SSR3: variants seen among roughly 807,000 people sequenced by gnomAD.
The protein encoded by SSR3 is signal sequence receptor subunit 3, also known as translocon-associated protein subunit gamma.
A neutral mutation model predicts 22.1 loss-of-function variants in SSR3; 10 were observed. The ratio of observed to expected loss-of-function variants is 0.45; its 90% CI spans 0.28 to 0.77. The LOEUF is 0.77. Ranked by LOEUF, SSR3 falls within the 30% of genes least tolerant of loss-of-function variation. The probability of loss-of-function intolerance (pLI) is 0.13; values close to 1 mark genes in which losing one functional copy is unlikely to be tolerated. For synonymous variants in SSR3, 104 were observed against 82.5 expected, an observed-to-expected ratio of 1.26 and a Z score of -1.42; for missense variants, 181 against 220.5, an observed-to-expected ratio of 0.82 and a Z score of 1.13.
rs921150309 is a variant in SSR3 at position 156,539,637 on chromosome 3, C to A, written c.*3566G>T. ...GCCCTGAAAATTTAAACCAACCCCCCAAAAGACCCTCCTAATCTATTAATT... is the reference window on the plus strand; with the variant it reads ...GCCCTGAAAATTTAAACCAACCCCCAAAAAGACCCTCCTAATCTATTAATT... On this transcript the variant is annotated 3_prime_UTR_variant, in exon 5 of 5. Transcript: ENST00000265044. Among the ~76,000 whole-genome samples, 2 of 151,604 alleles carry A rather than the reference C, an allele frequency of 1.3e-5. No individual in the cohort carries two copies. Among genetic ancestry groups the A allele is most frequent in the African/African-American group, 4.9e-5 (2 of 40,908 alleles).
intron 2 of SSR3, 139 bp downstream of exon 2, chr3:156,553,516 G>GGAGAGA: frequency 1.2e-6 from 1 of 847,014 alleles, no homozygotes; most frequent in East Asian, 3.0e-5. Flanking sequence ...TAGCATCAAT[G>GGAGAGA]TTCCTTTCCC....
chr3:156,543,907 ATT>A (rs1041724244), intron 4 of SSR3: 17 of 193,634 alleles, frequency 8.8e-5, no homozygotes, highest in African/African-American at 3.7e-4. Context: ...TTGAAACACT[ATT>A]AAGATACACT....
At chr3:156,552,799 G>A (rs1006373409) in intron 2 of SSR3, among the ~76,000 whole-genome samples, 3 of 152,120 alleles carry the variant, frequency 2.0e-5, no homozygotes, top group South Asian at 2.1e-4. Flanking sequence ...GGACCATGAC[G>A]CTGAGAAATA....
intron 3 of SSR3, 130 bp from the exon 4 acceptor site, chr3:156,544,569 A>G: frequency 1.5e-6 from 1 of 650,148 alleles, no homozygotes; most frequent in Non-Finnish European, 2.3e-6. Context: ...TGTGTTTGTA[A>G]TATTAGATTT....
chr3:156,551,986 T>G (rs192100470), intron 2 of SSR3, among the ~76,000 whole-genome samples: 3 of 152,020 alleles, frequency 2.0e-5, no homozygotes, highest in Admixed American at 2.0e-4. Flanking sequence ...CTAGAAGAAT[T>G]TGGCTTTAAT....
intron 2 of SSR3, among the ~76,000 whole-genome samples, chr3:156,549,340 C>T (rs199824432): frequency 6.6e-6 from 1 of 152,174 alleles, no homozygotes; most frequent in Non-Finnish European, 1.5e-5. Context: ...TTGTTTTAAC[C>T]TATCATCTAA....
At chr3:156,546,090 G>A (rs1719750237) in intron 3 of SSR3, among the ~76,000 whole-genome samples, 1 of 152,158 alleles carries the variant, frequency 6.6e-6, no homozygotes, top group Non-Finnish European at 1.5e-5. Context: ...TTGGCTCTGT[G>A]TCCCCACCCA....
rs3773719 is a variant in SSR3 at position 156,554,697 on chromosome 3, A to C, written c.133+260T>G. ...CGGGGCCGCCACCCCAGAACTAGTT[A>C]ACCACCTTCTCCTGGGGTGGAGCTC... On this transcript the variant is annotated intron_variant, in intron 1 of 4. Coordinates refer to ENST00000265044, the MANE Select transcript of SSR3 (RefSeq NM_007107.5). The C allele has an allele frequency of 0.24, 115,800 of 483,252 alleles. 15,938 individuals carry two copies. Among genetic ancestry groups the C allele is most frequent in the Middle Eastern group, 0.29 (517 of 1,806 alleles). The allele number at this position is 483,252 out of a possible 1,614,324, so 29.9% of individuals were successfully genotyped here.
intron 2 of SSR3, among the ~76,000 whole-genome samples, chr3:156,553,281 AT>A (rs1242090294): frequency 3.9e-5 from 6 of 152,180 alleles, no homozygotes; most frequent in Admixed American, 3.9e-4. Flanking sequence ...CAAAAAGATC[AT>A]TTCTTTAACT....
Position 156,542,642 on chromosome 3 carries a change from A to G in SSR3, c.*561T>C, listed in dbSNP as rs913296389. ...CCTTCTTTAAGAAAAAAAAAAGAAA[A>G]AAAAAGAACTTTTCCACAAGTTTCT... On this transcript the variant is annotated 3_prime_UTR_variant, in exon 5 of 5. Transcript: ENST00000265044. The G allele has an allele frequency of 6.6e-6, 1 of 151,204 alleles. No individual in the cohort carries two copies. Among genetic ancestry groups the G allele is most frequent in the African/African-American group, 2.5e-5 (1 of 40,812 alleles). 9.4% of individuals were successfully genotyped at this position (151,204 alleles called of 1,614,324 possible). A position where few individuals can be genotyped will look rare whatever the true frequency, so the allele number is the denominator to read the frequency against.
intron 3 of SSR3, among the ~76,000 whole-genome samples, chr3:156,546,168 G>A (rs965085345): frequency 1.2e-4 from 19 of 152,138 alleles, no homozygotes; most frequent in South Asian, 6.2e-4. Context: ...CTGGATCATG[G>A]GTGTGGTTTC....
At chr3:156,553,026 A>C (rs1302687314) in intron 2 of SSR3, among the ~76,000 whole-genome samples, 1 of 151,124 alleles carries the variant, frequency 6.6e-6, no homozygotes, top group Non-Finnish European at 1.5e-5. Flanking sequence ...TTAGCATTGA[A>C]AATGACAGAG....
chr3:156,549,413 A>G (rs944561434), intron 2 of SSR3, among the ~76,000 whole-genome samples: 1 of 152,258 alleles, frequency 6.6e-6, no homozygotes. Flanking sequence ...TTCCAAGTAC[A>G]TAACAGGAGC....
chr3:156,543,055 A>C lies in SSR3; in HGVS notation c.*148T>G. The C allele has an allele frequency of 1.9e-6, 1 of 527,924 alleles. No individual in the cohort carries two copies. Among genetic ancestry groups the C allele is most frequent in the Non-Finnish European group, 3.3e-6 (1 of 303,346 alleles). The allele number at this position is 527,924 out of a possible 1,614,324, so 32.7% of individuals were successfully genotyped here. On this transcript the variant is annotated 3_prime_UTR_variant, in exon 5 of 5. Transcript: ENST00000265044. ...ACAATCTGTCAAAAAACAGCCAATA[A>C]ACAAATACTGAATTACATTCTGCTG...
At chr3:156,545,704 C>T (rs1719735237) in intron 3 of SSR3, among the ~76,000 whole-genome samples, 1 of 151,848 alleles carries the variant, frequency 6.6e-6, no homozygotes, top group Non-Finnish European at 1.5e-5. Context: ...ATAACTCTTC[C>T]ATTTACTGTA....
chr3:156,553,138 G>T (rs1248674583), intron 2 of SSR3, among the ~76,000 whole-genome samples: 1 of 152,022 alleles, frequency 6.6e-6, no homozygotes, highest in African/African-American at 2.4e-5. Flanking sequence ...GCACCTGTAG[G>T]CCCAGCTACT....
chr3:156,543,545 C>CAGCT (rs1719645657), intron 4 of SSR3, among the ~76,000 whole-genome samples: 3 of 152,176 alleles, frequency 2.0e-5, no homozygotes, highest in South Asian at 4.1e-4. Flanking sequence ...TTCCATTTAA[C>CAGCT]CTTCACGAAG....
At chr3:156,554,580 G>GTAATAAGTT (rs1720081874) in intron 1 of SSR3, among the ~76,000 whole-genome samples, 1 of 152,176 alleles carries the variant, frequency 6.6e-6, no homozygotes, top group Non-Finnish European at 1.5e-5. Context: ...TGCAAAATAA[G>GTAATAAGTT]TAATAAGTTT....
intron 3 of SSR3, 27 bp downstream of exon 3, chr3:156,548,878 T>C (rs752801455): frequency 3.7e-6 from 6 of 1,609,132 alleles, no homozygotes; most frequent in Non-Finnish European, 5.1e-6. Flanking sequence ...CCTTTTATGA[T>C]GGCCATACTT....
Sources: allele counts gnomAD v4.1 joint callset (sites outside exome capture counted in the v4.1 genomes callset), GRCh38; gene constraint gnomAD v4.1.1; transcripts MANE v1.5; gene names NCBI Gene and HGNC (gene_info 2026-07-23, HGNC 2026-07-21).